EBPL: variants seen among roughly 807,000 people sequenced by gnomAD.
EBPL encodes the protein EBP like, also known as emopamil-binding protein-like.
In EBPL, 20 loss-of-function variants were observed where a neutral mutation model predicts 19.0. The observed-to-expected ratio is 1.05, with a 90% CI of 0.74 to 1.53. The LOEUF is 1.53. Among genes scored for constraint, EBPL ranks in the 40% most tolerant of loss-of-function variants. The pLI is 0.00. For missense variants in EBPL, 219 were observed against 261.1 expected (o/e 0.84, Z 1.11); for synonymous variants, 107 against 117.0 (o/e 0.91, Z 0.55).
At chr13:49,681,180 T>C (rs963987553) in intron 1 of EBPL, among the ~76,000 whole-genome samples, 4 of 152,244 alleles carry the variant, frequency 2.6e-5, no homozygotes, top group Non-Finnish European at 5.9e-5. Flanking sequence ...TTATAAAATA[T>C]AACTGAACTA....
intron 2 of EBPL, among the ~76,000 whole-genome samples, chr13:49,665,597 G>A (rs1965214238): frequency 6.6e-6 from 1 of 152,108 alleles, no homozygotes; most frequent in African/African-American, 2.4e-5. Flanking sequence ...GGTAGAGACA[G>A]GGTTTCACAA....
chr13:49,678,131 T>A (rs1953897533), intron 1 of EBPL, among the ~76,000 whole-genome samples: 1 of 152,168 alleles, frequency 6.6e-6, no homozygotes. Flanking sequence ...AGCTGATTGG[T>A]CCGTTTTGAC....
chr13:49,678,326 C>T (rs1405731795), intron 1 of EBPL, among the ~76,000 whole-genome samples: 3 of 152,356 alleles, frequency 2.0e-5, no homozygotes, highest in East Asian at 1.9e-4. Context: ...TCCTGCGCCG[C>T]GCGCCGGCAC....
At chr13:49,663,844 G>T (rs1224593781) in intron 2 of EBPL, among the ~76,000 whole-genome samples, 1 of 151,792 alleles carries the variant, frequency 6.6e-6, no homozygotes, top group Non-Finnish European at 1.5e-5. Flanking sequence ...AGAATGGCAT[G>T]AACCCAGGAG....
intron 1 of EBPL, among the ~76,000 whole-genome samples, chr13:49,688,722 A>AC (rs1409920206): frequency 1.5e-5 from 1 of 66,444 alleles, no homozygotes; most frequent in African/African-American, 4.6e-5. Context: ...CCGTCTCAAA[A>AC]AAAAAAAAAA....
chr13:49,671,100 T>C (rs955351381), intron 1 of EBPL, among the ~76,000 whole-genome samples: 2 of 152,222 alleles, frequency 1.3e-5, no homozygotes, highest in African/African-American at 2.4e-5. Context: ...TCCTGACTCC[T>C]GTGTCATTTA....
At chr13:49,686,511 G>A (rs960053448) in intron 1 of EBPL, 1 of 1,289,390 alleles carries the variant, frequency 7.8e-7, no homozygotes, top group African/African-American at 1.5e-5. Flanking sequence ...TGGTGCTACA[G>A]CAATTTATCA....
intron 1 of EBPL, among the ~76,000 whole-genome samples, chr13:49,690,497 G>A (rs1362494525): frequency 3.1e-5 from 2 of 64,666 alleles, no homozygotes; most frequent in East Asian, 2.7e-4. Context: ...GTGCGTGCGC[G>A]TGTGTGGTGG....
chr13:49,671,442 A>G (rs963272973), intron 1 of EBPL, among the ~76,000 whole-genome samples: 10 of 152,182 alleles, frequency 6.6e-5, no homozygotes, highest in African/African-American at 1.9e-4. Context: ...CCAGGCTCCA[A>G]AAATCATATC....
intron 1 of EBPL, among the ~76,000 whole-genome samples, chr13:49,671,855 C>A (rs1477740983): frequency 1.3e-5 from 2 of 152,202 alleles, no homozygotes; most frequent in Non-Finnish European, 2.9e-5. Context: ...AGAAGCAACT[C>A]TGGGTAAGAG....
Position 49,660,904 on chromosome 13 carries a change from A to T in EBPL, c.*64T>A. The T allele has an allele frequency of 1.4e-6, 2 of 1,438,732 alleles. No individual in the cohort carries two copies. The highest frequency in any genetic ancestry group is 9.5e-7 in the Non-Finnish European group (1 of 1,047,282). The allele number at this position is 1,438,732 out of a possible 1,614,324, so 89.1% of individuals were successfully genotyped here. A position where few individuals can be genotyped will look rare whatever the true frequency, so the allele number is the denominator to read the frequency against. Reference sequence around the variant, plus strand: ...ACTGGAATGTATTACATTTTGGCCAAACAAAAAGATTTGATTCATTCTGGT... The same window carrying T: ...ACTGGAATGTATTACATTTTGGCCATACAAAAAGATTTGATTCATTCTGGT... On this transcript the variant is annotated 3_prime_UTR_variant, in exon 4 of 4. Transcript: ENST00000242827.
intron 3 of EBPL, chr13:49,661,739 G>C (rs1028229195): frequency 6.1e-6 from 9 of 1,465,104 alleles, no homozygotes; most frequent in Middle Eastern, 3.6e-4. Context: ...TGAAAAATAC[G>C]TCAAGGTACC....
Position 49,690,455 on chromosome 13 carries a change from T to G in EBPL, c.171+799A>C, listed in dbSNP as rs142215046. 5.8e-3 allele frequency among the ~76,000 whole-genome samples: 868 copies of G among 149,710 alleles called. 8 individuals carry two copies. The highest frequency in any genetic ancestry group is 0.02 in the African/African-American group (810 of 40,810). On this transcript the variant is annotated intron_variant, in intron 1 of 3. Transcript: ENST00000242827. ...AAAACAAACTGATACTTGGGCATAG[T>G]TTAAAAAAAACTTAAAAGTGTGTGT...
At chr13:49,664,391 A>G (rs946542553) in intron 2 of EBPL, among the ~76,000 whole-genome samples, 4 of 152,108 alleles carry the variant, frequency 2.6e-5, no homozygotes, top group Admixed American at 2.0e-4. Context: ...GGGACAGGGA[A>G]CTCACAATGG....
At chr13:49,661,390 C>T (rs1015126465) in intron 3 of EBPL, among the ~76,000 whole-genome samples, 182 bp from the exon 4 acceptor site, 12 of 152,144 alleles carry the variant, frequency 7.9e-5, no homozygotes, top group African/African-American at 2.9e-4. Flanking sequence ...TTAATGAAGG[C>T]TCATTCTTTC....
At chr13:49,667,298 G>A (rs973006946) in intron 2 of EBPL, among the ~76,000 whole-genome samples, 10 of 152,182 alleles carry the variant, frequency 6.6e-5, no homozygotes, top group Non-Finnish European at 1.2e-4. Context: ...TTGATTCTGT[G>A]ACTGATAACT....
intron 1 of EBPL, among the ~76,000 whole-genome samples, chr13:49,678,626 C>T (rs890357448): frequency 1.3e-5 from 2 of 152,216 alleles, no homozygotes; most frequent in Admixed American, 6.5e-5. Context: ...TGCCCGGGAG[C>T]GCCGTGCGCA....
At chr13:49,685,422 ATTGT>A (rs1241916001) in intron 1 of EBPL, among the ~76,000 whole-genome samples, 2 of 152,176 alleles carry the variant, frequency 1.3e-5, no homozygotes, top group Non-Finnish European at 2.9e-5. Context: ...TGTGGGTGAA[ATTGT>A]TTGTACTAAT....
In EBPL at chr13:49,660,820, G is replaced by T. The variant is rs544485986; in HGVS notation, c.*148C>A. 12 of 621,878 alleles carry T rather than the reference G, an allele frequency of 1.9e-5. No homozygotes were observed. Among genetic ancestry groups the T allele is most frequent in the Middle Eastern group, 8.9e-4 (2 of 2,258 alleles). 38.5% of individuals were successfully genotyped at this position (621,878 alleles called of 1,614,324 possible). A position where few individuals can be genotyped will look rare whatever the true frequency, so the allele number is the denominator to read the frequency against. On this transcript the variant is annotated 3_prime_UTR_variant, in exon 4 of 4. Coordinates refer to ENST00000242827, the MANE Select transcript of EBPL (RefSeq NM_032565.5). ...AACAACAATACAACGAAAACTGGTCGCCTTAAAACCAATTTGAAACAGGTT... is the reference window on the plus strand; with the variant it reads ...AACAACAATACAACGAAAACTGGTCTCCTTAAAACCAATTTGAAACAGGTT...
Sources: allele counts gnomAD v4.1 joint callset (sites outside exome capture counted in the v4.1 genomes callset), GRCh38; gene constraint gnomAD v4.1.1; transcripts MANE v1.5; gene names NCBI Gene and HGNC (gene_info 2026-07-23, HGNC 2026-07-21).